CDH18: variants seen among roughly 807,000 people sequenced by gnomAD.
CDH18 encodes cadherin-18.
CDH18 carries 31 observed loss-of-function variants against 67.9 expected under a neutral mutation model. The observed-to-expected ratio is 0.46, with a 90% CI of 0.34 to 0.62. The LOEUF (loss-of-function observed/expected upper bound fraction) is 0.62, where lower values mean the gene tolerates loss of function less well. Among genes scored for constraint, CDH18 ranks in the 20% least tolerant of loss-of-function variants. CDH18 has a pLI of 0.01. For synonymous variants in CDH18, 362 were observed against 347.2 expected (o/e 1.04, Z -0.48); for missense variants, 890 against 975.5 (o/e 0.91, Z 1.17).
intron 12 of CDH18, among the ~76,000 whole-genome samples, chr5:19,475,876 G>A (rs1378716948): frequency 6.6e-6 from 1 of 151,954 alleles, no homozygotes; most frequent in Non-Finnish European, 1.5e-5. Context: ...CCCAGAAACT[G>A]CCCTTTTACT....
In CDH18 at chr5:19,889,705, T is replaced by C. The variant is rs530286872; in HGVS notation, c.-256-50463A>G. On this transcript the variant is annotated intron_variant, in intron 2 of 12. Transcript: ENST00000382275. ...ACTTTTAAAATCAAAGGATCTCTGA[T>C]TAGAAAAATGAGATCTAGCAATTTA... Among the ~76,000 whole-genome samples the C allele has an allele frequency of 2.6e-5, 4 of 152,084 alleles. No individual in the cohort carries two copies. In the East Asian group the frequency reaches 7.7e-4, roughly 29 times the overall value.
intron 4 of CDH18, among the ~76,000 whole-genome samples, chr5:19,730,824 T>A (rs1300678563): frequency 1.3e-5 from 2 of 150,642 alleles, no homozygotes; most frequent in African/African-American, 4.9e-5. Context: ...TTGTAGTAGC[T>A]AAGTAGAAGA....
At chr5:20,155,198 A>T (rs73762523) in intron 2 of CDH18, among the ~76,000 whole-genome samples, 20 of 152,312 alleles carry the variant, frequency 1.3e-4, no homozygotes, top group African/African-American at 3.6e-4. Flanking sequence ...AATGTAAACT[A>T]GTATTTTTCT....
intron 11 of CDH18, among the ~76,000 whole-genome samples, chr5:19,495,736 AAAAAAAG>A (rs1243057034): frequency 1.1e-4 from 16 of 148,496 alleles, no homozygotes; most frequent in African/African-American, 3.7e-4. Flanking sequence ...AAAAAAAAAA[AAAAAAAG>A]AAAGAAAGAA....
chr5:20,480,571 C>T (rs958337776), intron 1 of CDH18, among the ~76,000 whole-genome samples: 3 of 152,028 alleles, frequency 2.0e-5, no homozygotes, highest in Non-Finnish European at 4.4e-5. Flanking sequence ...GTATGTGCCA[C>T]CACACTTGGC....
At chr5:20,142,814 C>T (rs1750350639) in intron 2 of CDH18, among the ~76,000 whole-genome samples, 3 of 152,136 alleles carry the variant, frequency 2.0e-5, no homozygotes, top group Admixed American at 1.3e-4. Flanking sequence ...AGAAACCAAC[C>T]ATGCCAATAT....
chr5:19,890,320 C>G (rs951731310), intron 2 of CDH18, among the ~76,000 whole-genome samples: 7 of 152,048 alleles, frequency 4.6e-5, no homozygotes, highest in Non-Finnish European at 8.8e-5. Flanking sequence ...CCCAGATAAA[C>G]CAGGAGAATC....
chr5:20,171,169 C>A (rs377071219), intron 2 of CDH18, among the ~76,000 whole-genome samples: 5 of 151,982 alleles, frequency 3.3e-5, no homozygotes, highest in East Asian at 1.9e-4. Context: ...AATAGTGCTG[C>A]AATATACATA....
At chr5:20,345,663 A>T (rs956429473) in intron 1 of CDH18, among the ~76,000 whole-genome samples, 2 of 152,100 alleles carry the variant, frequency 1.3e-5, no homozygotes, top group African/African-American at 4.8e-5. Context: ...CTAACCCAGG[A>T]TATAACAAAA....
At chr5:19,863,265 C>T (rs556301065) in intron 2 of CDH18, among the ~76,000 whole-genome samples, 2 of 152,162 alleles carry the variant, frequency 1.3e-5, no homozygotes, top group East Asian at 3.9e-4. Flanking sequence ...CTCTAGAATC[C>T]ATTAACCCTG....
In CDH18 at chr5:19,956,043, A is replaced by T. The variant is rs12187238; in HGVS notation, c.-257+25017T>A. 7.2e-5 allele frequency among the ~76,000 whole-genome samples: 11 copies of T among 152,174 alleles called. No individual in the cohort carries two copies. In the East Asian group the frequency reaches 2.1e-3, roughly 29 times the overall value. ...TAAGGGGCTACCTTAGAACAACATG[A>T]TATTTTCATAGTAGTTAGTGAAAAC... On this transcript the variant is annotated intron_variant, in intron 2 of 12. Coordinates refer to ENST00000382275, the MANE Select transcript of CDH18 (RefSeq NM_004934.5).
intron 1 of CDH18, among the ~76,000 whole-genome samples, chr5:20,512,643 G>A (rs1262472865): frequency 6.6e-6 from 1 of 152,046 alleles, no homozygotes; most frequent in Non-Finnish European, 1.5e-5. Flanking sequence ...CAACACTTTG[G>A]GAGGCTGAGG....
At chr5:19,549,764 AAAAGAAAGAAAGAAAG>A in intron 8 of CDH18, among the ~76,000 whole-genome samples, 1 of 128,578 alleles carries the variant, frequency 7.8e-6, no homozygotes, top group South Asian at 2.2e-4. Flanking sequence ...GAAAGAAAGA[AAAAGAAAGAAAGAAAG>A]GAAGAAAGAA....
At chr5:20,397,297 A>C (rs1745367200) in intron 1 of CDH18, among the ~76,000 whole-genome samples, 1 of 151,638 alleles carries the variant, frequency 6.6e-6, no homozygotes, top group African/African-American at 2.4e-5. Flanking sequence ...CGCCCGGCTA[A>C]TTTTTTGTAT....
intron 1 of CDH18, among the ~76,000 whole-genome samples, chr5:20,565,820 C>A (rs1167765075): frequency 2.0e-5 from 3 of 150,972 alleles, no homozygotes; most frequent in Non-Finnish European, 2.9e-5. Context: ...ACACACTTTT[C>A]TGTCAACTAA....
chr5:19,904,753 T>C (rs1043584784), intron 2 of CDH18, among the ~76,000 whole-genome samples: 2 of 152,216 alleles, frequency 1.3e-5, no homozygotes, highest in Admixed American at 1.3e-4. Flanking sequence ...TACAGAAGTA[T>C]TATAATTTGA....
chr5:19,845,241 C>G (rs1234500460), intron 2 of CDH18, among the ~76,000 whole-genome samples: 3 of 151,982 alleles, frequency 2.0e-5, no homozygotes, highest in Non-Finnish European at 2.9e-5. Context: ...CAGGATATTT[C>G]CTAATTTCTC....
At chr5:19,887,349 T>TTA (rs1298615498) in intron 2 of CDH18, among the ~76,000 whole-genome samples, 1 of 152,042 alleles carries the variant, frequency 6.6e-6, no homozygotes, top group Non-Finnish European at 1.5e-5. Flanking sequence ...AATATATATT[T>TTA]TATATATATG....
intron 5 of CDH18, among the ~76,000 whole-genome samples, chr5:19,641,064 T>C (rs1753916970): frequency 6.7e-6 from 1 of 149,502 alleles, no homozygotes; most frequent in Admixed American, 6.7e-5. Context: ...TGCACAATTA[T>C]AGGCCAGCAA....
Sources: gnomAD v4.1 joint callset for allele counts (sites outside exome capture counted in the v4.1 genomes callset) on GRCh38, gnomAD v4.1.1 for gene constraint, MANE v1.5 for transcripts, NCBI Gene and HGNC (gene_info 2026-07-23, HGNC 2026-07-21) for gene names.